CSMD1: variants seen among roughly 807,000 people sequenced by gnomAD.
The protein encoded by CSMD1 is CUB and Sushi multiple domains 1.
A neutral mutation model predicts 417.5 loss-of-function variants in CSMD1; 213 were observed. That is an observed-to-expected ratio of 0.51 (90% CI 0.46 to 0.57). The LOEUF (loss-of-function observed/expected upper bound fraction) is 0.57, where lower values mean the gene tolerates loss of function less well. Among genes scored for constraint, CSMD1 ranks in the 20% least tolerant of loss-of-function variants. CSMD1 has a pLI of 0.00. For missense variants in CSMD1, 6,923 were observed against 4,529.7 expected (o/e 1.53, Z -15.17); for synonymous variants, 2,862 against 1,736.8 (o/e 1.65, Z -16.11).
intron 25 of CSMD1, among the ~76,000 whole-genome samples, chr8:3,307,211 T>C (rs907460824): frequency 6.6e-6 from 1 of 151,938 alleles, no homozygotes; most frequent in Non-Finnish European, 1.5e-5. Flanking sequence ...TAAGCACAAG[T>C]TGGAAATTTG....
At chr8:3,914,694 A>G (rs995135411) in intron 5 of CSMD1, among the ~76,000 whole-genome samples, 1 of 152,158 alleles carries the variant, frequency 6.6e-6, no homozygotes, top group Non-Finnish European at 1.5e-5. Context: ...TGTCAAGTTG[A>G]AAGATGTCTT....
At chr8:3,019,186 G>A (rs933752745) in intron 51 of CSMD1, among the ~76,000 whole-genome samples, 6 of 152,176 alleles carry the variant, frequency 3.9e-5, no homozygotes, top group African/African-American at 7.2e-5. Flanking sequence ...CCAAATTGCT[G>A]GGATTACAGG....
rs193023004 is a variant in CSMD1 at position 3,785,936 on chromosome 8, T to G, written c.819-31894A>C. On this transcript the variant is annotated intron_variant, in intron 5 of 69. Coordinates refer to ENST00000635120, the MANE Select transcript of CSMD1 (RefSeq NM_033225.6). The stretch of plus-strand genomic sequence containing the variant: ...TACACCATTCTTGGAGCCGAGGAAA[T>G]GGAAGGCAGACAATTGGGTTAGAAG... 1.9e-3 allele frequency among the ~76,000 whole-genome samples: 282 copies of G among 152,304 alleles called. 1 individual carries two copies. Among genetic ancestry groups the G allele is most frequent in the African/African-American group, 6.6e-3 (276 of 41,558 alleles).
intron 5 of CSMD1, among the ~76,000 whole-genome samples, chr8:3,971,964 G>C (rs763545886): frequency 2.0e-5 from 3 of 151,998 alleles, no homozygotes; most frequent in Non-Finnish European, 4.4e-5. Flanking sequence ...CTGGAGTGCA[G>C]TGGGTGATCC....
intron 11 of CSMD1, among the ~76,000 whole-genome samples, chr8:3,479,744 G>C (rs113361663): frequency 6.6e-6 from 1 of 151,864 alleles, no homozygotes; most frequent in South Asian, 2.1e-4. Flanking sequence ...AGGAAATCAC[G>C]GCTTGAATGA....
At chr8:3,791,945 A>G (rs1255604957) in intron 5 of CSMD1, among the ~76,000 whole-genome samples, 1 of 152,198 alleles carries the variant, frequency 6.6e-6, no homozygotes, top group Non-Finnish European at 1.5e-5. Context: ...CACCAACCTA[A>G]TAGCTTATTA....
chr8:4,166,768 A>C (rs1466497274), intron 3 of CSMD1, among the ~76,000 whole-genome samples: 1 of 152,236 alleles, frequency 6.6e-6, no homozygotes, highest in East Asian at 1.9e-4. Flanking sequence ...TAAAAAAAGC[A>C]AAATGTAGCC....
chr8:4,717,577 T>A (rs1291552629), intron 1 of CSMD1, among the ~76,000 whole-genome samples: 1 of 150,892 alleles, frequency 6.6e-6, no homozygotes, highest in Admixed American at 6.6e-5. Context: ...CATCCATCCA[T>A]CCATCCATAC....
intron 1 of CSMD1, among the ~76,000 whole-genome samples, chr8:4,892,095 C>T (rs1038216591): frequency 6.6e-6 from 1 of 152,056 alleles, no homozygotes; most frequent in Non-Finnish European, 1.5e-5. Context: ...ATAGAACTTG[C>T]TATTTTCTTC....
intron 5 of CSMD1, among the ~76,000 whole-genome samples, chr8:3,977,797 T>A (rs909444959): frequency 6.6e-5 from 10 of 152,226 alleles, no homozygotes; most frequent in African/African-American, 2.4e-4. Context: ...CAGGCTTTCA[T>A]TACCTATTTC....
chr8:4,516,464 C>G (rs182530195), intron 2 of CSMD1, among the ~76,000 whole-genome samples: 57 of 152,252 alleles, frequency 3.7e-4, no homozygotes, highest in African/African-American at 1.2e-3. Flanking sequence ...CTCCAGGCTG[C>G]TGAGAGACAA....
chr8:4,605,276 A>AAAG (rs138082067), intron 2 of CSMD1, among the ~76,000 whole-genome samples: 14,807 of 151,834 alleles, frequency 0.098, 1,263 homozygotes, highest in African/African-American at 0.24. Context: ...TTTAAGAAAA[A>AAAG]AAGAAGAAGA....
chr8:4,442,732 CAG>C (rs1798555689), intron 2 of CSMD1, among the ~76,000 whole-genome samples: 2 of 152,090 alleles, frequency 1.3e-5, no homozygotes, highest in Admixed American at 6.5e-5. Flanking sequence ...ATAATACAAT[CAG>C]TCACTATTTT....
In CSMD1 at chr8:4,654,690, T is replaced by C. The variant is rs112091717; in HGVS notation, c.86-17132A>G. On this transcript the variant is annotated intron_variant, in intron 1 of 69. Coordinates refer to ENST00000635120, the MANE Select transcript of CSMD1 (RefSeq NM_033225.6). ...ATTTGTTGGGTGCTTTCCAGTGGTC[T>C]CACACCTGTGGAAGAGGTGTCTTAT... is the stretch of plus-strand genomic sequence containing the variant. 9.7e-4 allele frequency among the ~76,000 whole-genome samples: 148 copies of C among 152,256 alleles called. 2 individuals are homozygous for C. The South Asian group carries it at 0.014, about 14-fold the overall frequency.
intron 3 of CSMD1, among the ~76,000 whole-genome samples, chr8:4,225,630 T>C (rs1443232749): frequency 6.6e-6 from 1 of 152,098 alleles, no homozygotes; most frequent in Non-Finnish European, 1.5e-5. Flanking sequence ...TCCTGTCTGA[T>C]CTGCATCATA....
At chr8:3,448,203 C>T (rs1007667636) in intron 12 of CSMD1, among the ~76,000 whole-genome samples, 4 of 149,034 alleles carry the variant, frequency 2.7e-5, no homozygotes, top group Non-Finnish European at 4.4e-5. Flanking sequence ...AAAAGCCTGT[C>T]TGTGTTTCCT....
At chr8:4,195,746 C>T (rs890234724) in intron 3 of CSMD1, among the ~76,000 whole-genome samples, 5 of 152,122 alleles carry the variant, frequency 3.3e-5, no homozygotes, top group Admixed American at 2.0e-4. Flanking sequence ...CGGGGCTCTC[C>T]GTGCTCATGC....
chr8:3,669,857 G>A lies in CSMD1; in HGVS notation c.1009+38557C>T, dbSNP rs188372822. On this transcript the variant is annotated intron_variant, in intron 7 of 69. Transcript: ENST00000635120. ...AGTGGGTGATGTCAGCCATGAACAGGAGGGGCCCAGGTGATGATCAAGCAC... is the reference window on the plus strand; with the variant it reads ...AGTGGGTGATGTCAGCCATGAACAGAAGGGGCCCAGGTGATGATCAAGCAC... Among the ~76,000 whole-genome samples the A allele has an allele frequency of 3.3e-5, 5 of 152,258 alleles. No individual in the cohort carries two copies. The East Asian group carries it at 7.7e-4, about 24-fold the overall frequency.
intron 17 of CSMD1, among the ~76,000 whole-genome samples, chr8:3,389,054 T>C (rs1001879046): frequency 1.3e-5 from 2 of 152,206 alleles, no homozygotes; most frequent in Non-Finnish European, 2.9e-5. Flanking sequence ...TGATTTTTGT[T>C]GTTGTTGTTT....
Sources: gnomAD v4.1 joint callset for allele counts (sites outside exome capture counted in the v4.1 genomes callset) on GRCh38, gnomAD v4.1.1 for gene constraint, MANE v1.5 for transcripts, NCBI Gene and HGNC (gene_info 2026-07-23, HGNC 2026-07-21) for gene names.